The following APPL1 variants were observed in gnomAD, a reference collection of about 807,000 sequenced individuals.
APPL1 encodes the protein adaptor protein, phosphotyrosine interacting with PH domain and leucine zipper 1.
APPL1 carries 42 observed loss-of-function variants against 106.8 expected under a neutral mutation model. The observed-to-expected ratio is 0.39, with a 90% CI of 0.31 to 0.51. The LOEUF (loss-of-function observed/expected upper bound fraction) is 0.51, where lower values mean the gene tolerates loss of function less well. APPL1 is among the 20% of genes least tolerant of loss of function. The pLI is 0.75. For missense variants in APPL1, 769 were observed against 858.2 expected (o/e 0.90, Z 1.30); for synonymous variants, 263 against 281.8 (o/e 0.93, Z 0.67).
chr3:57,242,372 TA>T (rs1220104148), intron 6 of APPL1, among the ~76,000 whole-genome samples: 1 of 152,116 alleles, frequency 6.6e-6, no homozygotes, highest in African/African-American at 2.4e-5. Flanking sequence ...CCTAAAGAGG[TA>T]GTGTAATATT....
In APPL1 at chr3:57,271,333, TTA is replaced by T. The variant is rs2060938096; in HGVS notation, c.*1648_*1649del. 1 of 152,738 alleles carries T rather than the reference TTA, an allele frequency of 6.5e-6. No individual in the cohort carries two copies. Among genetic ancestry groups the T allele is most frequent in the African/African-American group, 2.4e-5 (1 of 41,586 alleles). The allele number at this position is 152,738 out of a possible 1,614,324, so 9.5% of individuals were successfully genotyped here. On this transcript the variant is annotated 3_prime_UTR_variant, in exon 22 of 22. Transcript: ENST00000288266. ...GGTGTAATGTTTATTTACTGATGCT[TTA>T]TGTTACCAAAACATACAGTAAAAAA...
intron 12 of APPL1, among the ~76,000 whole-genome samples, chr3:57,253,031 G>A (rs144868849): frequency 6.6e-6 from 1 of 152,148 alleles, no homozygotes; most frequent in East Asian, 1.9e-4. Flanking sequence ...TAGTCTCTGA[G>A]GAACACAGAC....
chr3:57,250,848 C>T (rs367627800), intron 11 of APPL1, among the ~76,000 whole-genome samples: 3,336 of 140,004 alleles, frequency 0.024, 58 homozygotes, highest in Middle Eastern at 0.037. Context: ...CGCTCTGTCG[C>T]CCAGGCTGGA....
chr3:57,238,879 A>T (rs1381696033), intron 4 of APPL1, among the ~76,000 whole-genome samples: 1 of 152,162 alleles, frequency 6.6e-6, no homozygotes, highest in Non-Finnish European at 1.5e-5. Context: ...TTTTTAGGAC[A>T]TTTTCATCAT....
chr3:57,264,638 T>A (rs150063230), intron 19 of APPL1, among the ~76,000 whole-genome samples: 3,395 of 151,666 alleles, frequency 0.022, 130 homozygotes, highest in African/African-American at 0.077. Flanking sequence ...AGGGGTCTAG[T>A]TTTATTCTTC....
At chr3:57,245,411 C>A (rs1055388770) in intron 7 of APPL1, among the ~76,000 whole-genome samples, 2 of 152,168 alleles carry the variant, frequency 1.3e-5, no homozygotes, top group African/African-American at 4.8e-5. Flanking sequence ...GTGAACTGAT[C>A]AAAGTCAAAG....
chr3:57,235,718 A>G (rs1278185512), intron 2 of APPL1, 54 bp downstream of exon 2: 1 of 1,282,028 alleles, frequency 7.8e-7, no homozygotes, highest in Admixed American at 1.7e-5. Flanking sequence ...TTTAAGCCTC[A>G]TGAGGACAGA....
chr3:57,248,701 C>T lies in APPL1; in HGVS notation c.863+350C>T, dbSNP rs150816683. On this transcript the variant is annotated intron_variant, in intron 10 of 21. Coordinates refer to ENST00000288266, the MANE Select transcript of APPL1 (RefSeq NM_012096.3). ...CCTGGCCAACATGGTGAAACCCCAC[C>T]TCTACTAAAAATACAAAAATTAGCT... Among the ~76,000 whole-genome samples the T allele has an allele frequency of 5.5e-3, 831 of 152,152 alleles. 8 individuals carry two copies. Among genetic ancestry groups the T allele is most frequent in the African/African-American group, 0.019 (806 of 41,498 alleles).
At chr3:57,260,560 G>T in intron 18 of APPL1, 68 bp from the exon 19 acceptor site, 1 of 1,419,472 alleles carries the variant, frequency 7.0e-7, no homozygotes, top group Non-Finnish European at 9.5e-7. Flanking sequence ...TAGCATATGA[G>T]TTTGTCACAA....
chr3:57,269,107 C>T, intron 21 of APPL1: 1 of 158,676 alleles, frequency 6.3e-6, no homozygotes, highest in South Asian at 1.9e-4. Context: ...GCAAAGATGA[C>T]ATTGAAGTGA....
intron 11 of APPL1, among the ~76,000 whole-genome samples, chr3:57,250,227 A>G (rs1665269884): frequency 6.6e-6 from 1 of 151,954 alleles, no homozygotes; most frequent in African/African-American, 2.4e-5. Context: ...TGTAGCCTCA[A>G]CCTCCTGGGC....
At position 57,268,007 on chromosome 3, in the gene APPL1, G is replaced by C. The variant is rs978463456; in HGVS notation, c.1893+215G>C. 4.1e-5 allele frequency: 24 copies of C among 578,872 alleles called. 1 individual carries two copies. Among genetic ancestry groups the C allele is most frequent in the Middle Eastern group, 9.2e-4 (2 of 2,164 alleles). The allele number at this position is 578,872 out of a possible 1,614,324, so 35.9% of individuals were successfully genotyped here. A position where few individuals can be genotyped will look rare whatever the true frequency, so the allele number is the denominator to read the frequency against. On this transcript the variant is annotated intron_variant, in intron 20 of 21. Coordinates refer to ENST00000288266, the MANE Select transcript of APPL1 (RefSeq NM_012096.3). ...CTGAGGAGGTCTGAGGCACGAGAAT[G>C]ACTTGAATCCGGGAGGCGGAGGTTG...
chr3:57,229,969 C>T (rs192556638), intron 1 of APPL1, among the ~76,000 whole-genome samples: 2 of 152,220 alleles, frequency 1.3e-5, no homozygotes, highest in Admixed American at 1.3e-4. Flanking sequence ...CCGCCTTGGC[C>T]TCTCAAAGTG....
chr3:57,230,829 G>T, intron 1 of APPL1: 1 of 434,966 alleles, frequency 2.3e-6, no homozygotes. Flanking sequence ...GATTGCAGTG[G>T]CACAGCCATA....
intron 7 of APPL1, among the ~76,000 whole-genome samples, chr3:57,243,358 T>A (rs2060756687): frequency 6.6e-6 from 1 of 152,234 alleles, no homozygotes; most frequent in African/African-American, 2.4e-5. Flanking sequence ...ACAGAAATAT[T>A]ACACTATATT....
At chr3:57,265,501 AT>A (rs951682352) in intron 19 of APPL1, among the ~76,000 whole-genome samples, 4 of 151,718 alleles carry the variant, frequency 2.6e-5, no homozygotes, top group African/African-American at 9.7e-5. Context: ...TGGGTATTTA[AT>A]TTTATCTGTG....
At chr3:57,262,192 C>G (rs2060869916) in intron 19 of APPL1, among the ~76,000 whole-genome samples, 1 of 151,888 alleles carries the variant, frequency 6.6e-6, no homozygotes, top group South Asian at 2.1e-4. Flanking sequence ...AATAATTTCT[C>G]CCATTCAACA....
chr3:57,235,419 C>T (rs2060711179), intron 1 of APPL1, 147 bp from the exon 2 acceptor site: 1 of 449,290 alleles, frequency 2.2e-6, no homozygotes, highest in African/African-American at 2.0e-5. Context: ...GACTTCTTAA[C>T]ATTACTATCA....
intron 19 of APPL1, among the ~76,000 whole-genome samples, chr3:57,264,817 T>G (rs1161521079): frequency 1.3e-5 from 2 of 150,838 alleles, no homozygotes; most frequent in African/African-American, 2.4e-5. Context: ...TTTTTTTTTT[T>G]GCCAGTACCA....
Sources: gnomAD v4.1 joint callset for allele counts (sites outside exome capture counted in the v4.1 genomes callset) on GRCh38, gnomAD v4.1.1 for gene constraint, MANE v1.5 for transcripts, NCBI Gene and HGNC (gene_info 2026-07-23, HGNC 2026-07-21) for gene names.